The following CCDC146 variants were observed in gnomAD, a reference collection of about 807,000 sequenced individuals.
The protein encoded by CCDC146 is coiled-coil domain containing 146.
CCDC146 carries 92 observed loss-of-function variants against 119.3 expected under a neutral mutation model. The observed-to-expected ratio is 0.77, with a 90% CI of 0.65 to 0.92. CCDC146 has a LOEUF of 0.92. CCDC146 is among the 40% of genes least tolerant of loss of function. The pLI is 0.00. For synonymous variants in CCDC146, 372 were observed against 371.8 expected (o/e 1.00, Z -0.01); for missense variants, 1,000 against 1,103.0 (o/e 0.91, Z 1.32).
At chr7:77,226,438 C>T (rs1792515936) in intron 2 of CCDC146, among the ~76,000 whole-genome samples, 1 of 152,246 alleles carries the variant, frequency 6.6e-6, no homozygotes, top group Non-Finnish European at 1.5e-5. Flanking sequence ...TGCTGACCCC[C>T]TTCCAGATAA....
intron 1 of CCDC146, among the ~76,000 whole-genome samples, chr7:77,153,604 G>A (rs1350511473): frequency 2.7e-5 from 4 of 148,574 alleles, no homozygotes; most frequent in Non-Finnish European, 5.9e-5. Flanking sequence ...TCAAGATATA[G>A]CTATTGAAAT....
At chr7:77,292,662 C>A (rs1174398433) in intron 17 of CCDC146, among the ~76,000 whole-genome samples, 1 of 151,484 alleles carries the variant, frequency 6.6e-6, no homozygotes, top group Non-Finnish European at 1.5e-5. Context: ...CTCCTTCTTA[C>A]CTCTTAAAAA....
intron 2 of CCDC146, among the ~76,000 whole-genome samples, chr7:77,210,973 A>T (rs1298390280): frequency 1.3e-5 from 2 of 152,208 alleles, no homozygotes; most frequent in African/African-American, 4.8e-5. Flanking sequence ...AACAGTGGGG[A>T]TTACAATTCA....
chr7:77,159,909 G>T (rs908673593), intron 1 of CCDC146, among the ~76,000 whole-genome samples: 32 of 152,198 alleles, frequency 2.1e-4, no homozygotes, highest in African/African-American at 6.7e-4. Flanking sequence ...TAGGTCTAAC[G>T]TTTAAGTCTT....
At chr7:77,226,269 A>G (rs1792511891) in intron 2 of CCDC146, among the ~76,000 whole-genome samples, 1 of 152,236 alleles carries the variant, frequency 6.6e-6, no homozygotes, top group Non-Finnish European at 1.5e-5. Flanking sequence ...TCACATTTAT[A>G]TTACCTTCCA....
chr7:77,140,344 G>T (rs1302138199), intron 1 of CCDC146, among the ~76,000 whole-genome samples: 5 of 152,086 alleles, frequency 3.3e-5, no homozygotes, highest in Non-Finnish European at 5.9e-5. Flanking sequence ...TATAACGAAA[G>T]TACTATAGAC....
At chr7:77,292,210 C>T (rs1223215780) in intron 17 of CCDC146, among the ~76,000 whole-genome samples, 1 of 152,024 alleles carries the variant, frequency 6.6e-6, no homozygotes, top group Non-Finnish European at 1.5e-5. Context: ...AGGAGAATTG[C>T]TTGAGCCCCG....
rs578153276 is a variant in CCDC146, at chr7:77,155,779, C to T, written c.-11-11879C>T. Among the ~76,000 whole-genome samples, 3 of 152,256 alleles carry T rather than the reference C, an allele frequency of 2.0e-5. No individual in the cohort carries two copies. In the East Asian group the frequency reaches 5.8e-4, roughly 29 times the overall value. On this transcript the variant is annotated intron_variant, in intron 1 of 18. Coordinates refer to ENST00000285871, the MANE Select transcript of CCDC146 (RefSeq NM_020879.3). ...AAGAGTGCTTGCATGCTGACAAGGGCAACCTGGAGGGTGTGTTGGAAACAC... is the reference window on the plus strand; with the variant it reads ...AAGAGTGCTTGCATGCTGACAAGGGTAACCTGGAGGGTGTGTTGGAAACAC...
chr7:77,199,824 T>G, intron 2 of CCDC146: 1 of 1,596,190 alleles, frequency 6.3e-7, no homozygotes, highest in Non-Finnish European at 8.5e-7. Context: ...CAGCAGGGAG[T>G]GCGCAGGGCT....
chr7:77,173,855 A>T (rs1202767082), intron 2 of CCDC146, among the ~76,000 whole-genome samples: 3 of 152,160 alleles, frequency 2.0e-5, no homozygotes, highest in Admixed American at 6.5e-5. Flanking sequence ...AAACCTCACA[A>T]ATATTAAGTG....
Position 77,260,319 on chromosome 7 carries a change from TGTTGA to T in CCDC146, c.986+87_986+91del, listed in dbSNP as rs1025887628. On this transcript the variant is annotated intron_variant, in intron 8 of 18. Transcript: ENST00000285871. ...TTGAGAATTCAAAATCTCACTTTGG[TGTTGA>T]GTTAATAAATATTTAAAAATAATTT... The T allele has an allele frequency of 3.2e-6, 3 of 923,794 alleles. No individual in the cohort carries two copies. In the African/African-American group the frequency reaches 5.1e-5, roughly 16 times the overall value. 57.2% of individuals were successfully genotyped at this position (923,794 alleles called of 1,614,324 possible).
chr7:77,206,818 G>A (rs1041899832), intron 2 of CCDC146, among the ~76,000 whole-genome samples: 2 of 151,404 alleles, frequency 1.3e-5, no homozygotes, highest in African/African-American at 4.9e-5. Flanking sequence ...TAATAATAAT[G>A]TATAGCTTAG....
chr7:77,262,988 A>T (rs554381092), intron 9 of CCDC146, among the ~76,000 whole-genome samples: 174 of 152,336 alleles, frequency 1.1e-3, no homozygotes, highest in African/African-American at 4.0e-3. Flanking sequence ...TCCTTGAGCG[A>T]AAAAGGGGTC....
intron 15 of CCDC146, 48 bp downstream of exon 15, chr7:77,282,833 T>C (rs372466299): frequency 7.3e-7 from 1 of 1,368,034 alleles, no homozygotes; most frequent in African/African-American, 1.4e-5. Flanking sequence ...TATTTTTTTC[T>C]GCCTTTATTA....
At position 77,278,827 on chromosome 7, in the gene CCDC146, G is replaced by A; in HGVS notation, c.1516G>A (p.Glu506Lys). 1 of 1,611,516 alleles carries A rather than the reference G, an allele frequency of 6.2e-7. No individual in the cohort carries two copies. The highest frequency in any genetic ancestry group is 8.5e-7 in the Non-Finnish European group (1 of 1,178,206). ...EIRIHKKKKC[E>K]IYRRLREFAK... ...CAGGATACACAAGAAGAAAAAATGT[G>A]AAATTTATCGGAGGTAAAGTAATTA... The change falls in exon 12 of 19, where the codon GAA (glutamate) becomes AAA (lysine). Residue 506 changes from glutamate (E) to lysine (K), a missense_variant. Transcript: ENST00000285871.
At chr7:77,216,118 G>A (rs1056785497) in intron 2 of CCDC146, among the ~76,000 whole-genome samples, 10 of 151,560 alleles carry the variant, frequency 6.6e-5, no homozygotes, top group African/African-American at 2.4e-4. Flanking sequence ...AGGAAGATTT[G>A]TGCTTTTGTT....
At chr7:77,280,856 C>G (rs1052288283) in intron 14 of CCDC146, among the ~76,000 whole-genome samples, 1 of 152,150 alleles carries the variant, frequency 6.6e-6, no homozygotes, top group African/African-American at 2.4e-5. Flanking sequence ...GATCCCAGCA[C>G]TTTGGGAGGC....
chr7:77,260,243 TA>T lies in CCDC146; in HGVS notation c.986+8del. On this transcript the variant is annotated splice_region_variant and intron_variant, in intron 8 of 18. Transcript: ENST00000285871. ...CAACTTCATTAACTGAAAGGTTAGTTATATTTATGTATGTTATGTTCTGTCA... is the reference window on the plus strand; with the variant it reads ...CAACTTCATTAACTGAAAGGTTAGTTTATTTATGTATGTTATGTTCTGTCA... The T allele has an allele frequency of 6.3e-7, 1 of 1,586,386 alleles. No homozygotes were observed. The highest frequency in any genetic ancestry group is 8.6e-7 in the Non-Finnish European group (1 of 1,160,468).
intron 4 of CCDC146, among the ~76,000 whole-genome samples, chr7:77,250,700 ATTCTCAGACATTATTGCTTCAGGAAT>A (rs1394732929): frequency 1.4e-4 from 22 of 152,154 alleles, no homozygotes; most frequent in African/African-American, 4.6e-4. Context: ...TTTGAAGGAA[ATTCTCAGACATTATTGCTTCAGGAAT>A]TTCTCGTGTT....
Sources: allele counts gnomAD v4.1 joint callset (sites outside exome capture counted in the v4.1 genomes callset), GRCh38; gene constraint gnomAD v4.1.1; transcripts MANE v1.5; gene names NCBI Gene and HGNC (gene_info 2026-07-23, HGNC 2026-07-21).